The following AJUBA variants were observed in gnomAD, a reference collection of about 807,000 sequenced individuals.
The protein encoded by AJUBA is ajuba LIM protein.
In AJUBA, 20 loss-of-function variants were observed where a neutral mutation model predicts 53.3. The ratio of observed to expected loss-of-function variants is 0.38; its 90% CI spans 0.26 to 0.55. The LOEUF is 0.55. Among genes scored for constraint, AJUBA ranks in the 20% least tolerant of loss-of-function variants. The probability of loss-of-function intolerance (pLI) is 0.80; values close to 1 mark genes in which losing one functional copy is unlikely to be tolerated. For missense variants in AJUBA, 580 were observed against 730.5 expected (o/e 0.79, Z 2.38); for synonymous variants, 296 against 306.2 (o/e 0.97, Z 0.35).
intron 4 of AJUBA, 32 bp from the exon 5 acceptor site, chr14:22,975,136 C>A (rs201314137): frequency 1.2e-5 from 19 of 1,596,326 alleles, no homozygotes; most frequent in Admixed American, 3.3e-5. Context: ...GAATCAGTCT[C>A]CCTCCAGTCC....
In AJUBA at chr14:22,981,687, C is replaced by A; in HGVS notation, c.580G>T (p.Gly194Cys). Residue 194 changes from glycine to cysteine, a missense_variant, in exon 1 of 8, where the codon GGC becomes TGC. Coordinates refer to ENST00000262713, the MANE Select transcript of AJUBA (RefSeq NM_032876.6). Reference sequence around the variant, plus strand: ...GACGGGACCCCTCCGGGAGAATAGCCTGCCGGTGCTCCGGCCAGGGGTGGG... The same window carrying A: ...GACGGGACCCCTCCGGGAGAATAGCATGCCGGTGCTCCGGCCAGGGGTGGG... ...FGPPLAGAPA[G>C]YSPGGVPSAY... 1 of 1,518,486 alleles carries A rather than the reference C, an allele frequency of 6.6e-7. No homozygotes were observed. Among genetic ancestry groups the A allele is most frequent in the Non-Finnish European group, 8.8e-7 (1 of 1,135,920 alleles). 94.1% of individuals were successfully genotyped at this position (1,518,486 alleles called of 1,614,324 possible).
chr14:22,977,260 C>G (rs2045046266), intron 2 of AJUBA: 3 of 963,352 alleles, frequency 3.1e-6, no homozygotes, highest in South Asian at 4.8e-5. Context: ...GGAAGCAAAG[C>G]AGGTCCCCTC....
chr14:22,981,705 G>C lies in AJUBA; in HGVS notation c.562C>G (p.Leu188Val). The C allele has an allele frequency of 6.6e-7, 1 of 1,526,696 alleles. No homozygotes were observed. The highest frequency in any genetic ancestry group is 8.8e-7 in the Non-Finnish European group (1 of 1,141,006). 94.6% of individuals were successfully genotyped at this position (1,526,696 alleles called of 1,614,324 possible). A position where few individuals can be genotyped will look rare whatever the true frequency, so the allele number is the denominator to read the frequency against. The change falls in exon 1 of 8, where the codon CTG becomes GTG. Residue 188 changes from leucine (L) to valine (V), a missense_variant. Leu to Val is a conservative substitution (Grantham distance 32). Coordinates refer to ENST00000262713, the MANE Select transcript of AJUBA (RefSeq NM_032876.6). ...GAATAGCCTGCCGGTGCTCCGGCCA[G>C]GGGTGGGCCAAACAGGCACGGCCCC... ...PAGPCLFGPP[L>V]AGAPAGYSPG...
chr14:22,976,883 T>G, intron 2 of AJUBA, 171 bp from the exon 3 acceptor site: 1 of 1,423,360 alleles, frequency 7.0e-7, no homozygotes, highest in Non-Finnish European at 9.2e-7. Context: ...GCAATTCCAA[T>G]TTGCTTTGGC....
chr14:22,978,774 A>C, intron 1 of AJUBA: 1 of 1,199,758 alleles, frequency 8.3e-7, no homozygotes, highest in Non-Finnish European at 1.1e-6. Flanking sequence ...AAGACTACAC[A>C]GGCAAGGTAT....
In AJUBA at chr14:22,982,078, C is replaced by T. The variant is rs2045106438; in HGVS notation, c.189G>A (p.Pro63=). 1.9e-6 allele frequency: 3 copies of T among 1,589,946 alleles called. No individual in the cohort carries two copies. Among genetic ancestry groups the T allele is most frequent in the Non-Finnish European group, 2.6e-6 (3 of 1,171,488 alleles). Residue 63 remains proline (P), a synonymous_variant, in exon 1 of 8, where the codon CCG becomes CCA. Transcript: ENST00000262713. ...CGTCCAGGGAACCTTGCTCCCGGGCCGGCTCCAACGGCTCATCCCCAGGTC... is the reference window on the plus strand; with the variant it reads ...CGTCCAGGGAACCTTGCTCCCGGGCTGGCTCCAACGGCTCATCCCCAGGTC... ...TGGPGDEPLE[P]AREQGSLDAE...
Position 22,981,724 on chromosome 14 carries a change from C to T in AJUBA, c.543G>A (p.Pro181=), listed in dbSNP as rs1375882195. ...QRHGSPLPAG[P]CLFGPPLAGA... ...CGGCCAGGGGTGGGCCAAACAGGCACGGCCCCGCTGGCAAGGGGCTCCCGT... is the reference window on the plus strand; with the variant it reads ...CGGCCAGGGGTGGGCCAAACAGGCATGGCCCCGCTGGCAAGGGGCTCCCGT... The change falls in exon 1 of 8, where the codon CCG becomes CCA. Residue 181 remains proline, a synonymous_variant. Transcript: ENST00000262713. 2.6e-6 allele frequency: 4 copies of T among 1,530,728 alleles called. No homozygotes were observed. In the East Asian group the frequency reaches 9.8e-5, roughly 38 times the overall value. The allele number at this position is 1,530,728 out of a possible 1,614,324, so 94.8% of individuals were successfully genotyped here. A position where few individuals can be genotyped will look rare whatever the true frequency, so the allele number is the denominator to read the frequency against.
chr14:22,977,125 C>G (rs2045044648), intron 2 of AJUBA: 1 of 1,015,220 alleles, frequency 9.9e-7, no homozygotes, highest in Non-Finnish European at 1.2e-6. Flanking sequence ...CTCTGGGACC[C>G]TTCAACCTAG....
intron 1 of AJUBA, chr14:22,978,706 G>C: frequency 7.9e-7 from 1 of 1,259,174 alleles, no homozygotes; most frequent in Non-Finnish European, 1.0e-6. Flanking sequence ...AAGGAAACCT[G>C]GAGAAAGTCG....
intron 7 of AJUBA, 47 bp from the exon 8 acceptor site, chr14:22,973,615 A>G: frequency 6.2e-7 from 1 of 1,609,310 alleles, no homozygotes. Context: ...CACCTTGGAC[A>G]CTGAGGGTAT....
intron 1 of AJUBA, chr14:22,978,883 C>T: frequency 3.9e-6 from 5 of 1,283,368 alleles, no homozygotes; most frequent in East Asian, 5.6e-5. Flanking sequence ...GCAGGCTAGG[C>T]CCAGAAATCG....
rs1485476499 is a variant in AJUBA at position 22,973,577 on chromosome 14, G to C, written c.1492-9C>G. 6.2e-7 allele frequency: 1 copy of C among 1,614,040 alleles called. No individual in the cohort carries two copies. The highest frequency in any genetic ancestry group is 1.7e-5 in the Admixed American group (1 of 60,020). On this transcript the variant is annotated splice_polypyrimidine_tract_variant and intron_variant, in intron 7 of 7. Transcript: ENST00000262713. ...AGCTGCATCCGGCAGTCCTAGGGAA[G>C]AAGGCACCTAGTTCACCTCAGCCTA...
At chr14:22,976,546 G>A in intron 3 of AJUBA, 28 bp from the exon 4 acceptor site, 3 of 1,613,748 alleles carry the variant, frequency 1.9e-6, no homozygotes, top group Non-Finnish European at 1.7e-6. Flanking sequence ...ACGAACGGAG[G>A]CTGTTATCAA....
rs2044997417 is a variant in AJUBA at position 22,972,912 on chromosome 14, C to T, written c.*531G>A. 6.4e-6 allele frequency: 1 copy of T among 155,288 alleles called. No homozygotes were observed. The highest frequency in any genetic ancestry group is 1.4e-5 in the Non-Finnish European group (1 of 69,700). The allele number at this position is 155,288 out of a possible 1,614,324, so 9.6% of individuals were successfully genotyped here. A position where few individuals can be genotyped will look rare whatever the true frequency, so the allele number is the denominator to read the frequency against. ...GGGAGAATTACACTTTGATTTGGTT[C>T]TAGTCAGTTTAGCTGAAACTAATTG... On this transcript the variant is annotated 3_prime_UTR_variant, in exon 8 of 8. Transcript: ENST00000262713.
Position 22,973,468 on chromosome 14 carries a change from C to T in AJUBA, c.1592G>A (p.Arg531Gln), listed in dbSNP as rs749187849. 1.2e-5 allele frequency: 19 copies of T among 1,612,614 alleles called. No individual in the cohort carries two copies. The highest frequency in any genetic ancestry group is 3.3e-5 in the South Asian group (3 of 90,750). The change falls in exon 8 of 8, where the codon CGA becomes CAA. Residue 531 changes from arginine (R) to glutamine (Q), a missense_variant. Coordinates refer to ENST00000262713, the MANE Select transcript of AJUBA (RefSeq NM_032876.6). ...HGCHMQRLNA[R>Q]QPPANYI ...TCAGATATAGTTGGCAGGGGGTTGT[C>T]GGGCATTGAGCCGCTGCATGTGGCA...
chr14:22,975,636 G>C (rs187888056), intron 4 of AJUBA: 4 of 153,222 alleles, frequency 2.6e-5, no homozygotes, highest in African/African-American at 9.6e-5. Flanking sequence ...CGAGGTGGGC[G>C]GATCACAAGG....
At chr14:22,974,932 C>A (rs754514221) in intron 5 of AJUBA, 42 bp from the exon 6 acceptor site, 10 of 1,613,736 alleles carry the variant, frequency 6.2e-6, no homozygotes, top group Middle Eastern at 3.3e-4. Context: ...CTGGGGAATC[C>A]CTGGACCCAG....
chr14:22,982,012 G>A lies in AJUBA; in HGVS notation c.255C>T (p.Tyr85=), dbSNP rs949447270. 2.5e-6 allele frequency: 4 copies of A among 1,587,080 alleles called. No homozygotes were observed. Among genetic ancestry groups the A allele is most frequent in the Non-Finnish European group, 3.4e-6 (4 of 1,171,694 alleles). ...GCGGCCCCGCGGGAAAAGAGCCTTC[G>A]TAGCGCGGCGCCTCAAAGGAGCCGC... ...NQRGSFEAPR[Y]EGSFPAGPPP... The change falls in exon 1 of 8, where the codon TAC becomes TAT. Residue 85 remains tyrosine (Y), a synonymous_variant. Transcript: ENST00000262713.
Position 22,973,404 on chromosome 14 carries a change from G to T in AJUBA, c.*39C>A. The T allele has an allele frequency of 1.9e-6, 3 of 1,581,544 alleles. No individual in the cohort carries two copies. Among genetic ancestry groups the T allele is most frequent in the Non-Finnish European group, 2.6e-6 (3 of 1,163,690 alleles). Reference sequence around the variant, plus strand: ...TCAGAGGGGCCCACTGGCCACAGCAGTTTGTCTGCAGGGTGACAGCAGCAG... The same window carrying T: ...TCAGAGGGGCCCACTGGCCACAGCATTTTGTCTGCAGGGTGACAGCAGCAG... On this transcript the variant is annotated 3_prime_UTR_variant, in exon 8 of 8. Coordinates refer to ENST00000262713, the MANE Select transcript of AJUBA (RefSeq NM_032876.6).
Sources: gnomAD v4.1 joint callset for allele counts on GRCh38, gnomAD v4.1.1 for gene constraint, MANE v1.5 for transcripts, NCBI Gene and HGNC (gene_info 2026-07-23, HGNC 2026-07-21) for gene names.